Variants in CADM2 observed in about 807,000 individuals in gnomAD.
The protein encoded by CADM2 is cell adhesion molecule 2, also known as immunoglobulin superfamily member 4D.
CADM2 carries 12 observed loss-of-function variants against 49.8 expected under a neutral mutation model. The ratio of observed to expected loss-of-function variants is 0.24; its 90% CI spans 0.15 to 0.39. CADM2 has a LOEUF of 0.39. CADM2 is among the 10% of genes least tolerant of loss of function. The pLI, the probability that CADM2 is intolerant of heterozygous loss-of-function variation, is 1.00. For synonymous variants in CADM2, 214 were observed against 175.4 expected (o/e 1.22, Z -1.74); for missense variants, 378 against 492.3 (o/e 0.77, Z 2.20).
chr3:85,176,014 C>A (rs577958898), intron 1 of CADM2, among the ~76,000 whole-genome samples: 2 of 148,460 alleles, frequency 1.3e-5, no homozygotes, highest in African/African-American at 5.1e-5. Context: ...CTGCAAGCTC[C>A]GCCTCCCGGG....
chr3:85,630,959 A>G (rs547247565), intron 1 of CADM2, among the ~76,000 whole-genome samples: 58 of 152,180 alleles, frequency 3.8e-4, no homozygotes, highest in Non-Finnish European at 7.1e-4. Flanking sequence ...GCTATAAGAC[A>G]TATCTAGGCA....
At chr3:85,904,327 ACCAC>A (rs1716510043) in intron 5 of CADM2, among the ~76,000 whole-genome samples, 1 of 152,148 alleles carries the variant, frequency 6.6e-6, no homozygotes, top group South Asian at 2.1e-4. Context: ...TTTCAGCCAC[ACCAC>A]CTGGAATTTT....
At chr3:85,487,398 T>C (rs192927537) in intron 1 of CADM2, among the ~76,000 whole-genome samples, 50 of 152,116 alleles carry the variant, frequency 3.3e-4, no homozygotes, top group Admixed American at 1.8e-3. Flanking sequence ...TGGTGGTGTG[T>C]CGTGTGCCTG....
intron 1 of CADM2, among the ~76,000 whole-genome samples, chr3:85,459,198 C>A (rs967828980): frequency 6.6e-6 from 1 of 152,302 alleles, no homozygotes; most frequent in South Asian, 2.1e-4. Context: ...TTCTCCCCAT[C>A]TTTCTCTTAC....
chr3:85,046,324 T>C (rs1054067330), intron 1 of CADM2, among the ~76,000 whole-genome samples: 7 of 150,052 alleles, frequency 4.7e-5, no homozygotes, highest in African/African-American at 1.2e-4. Context: ...AATTTTCTTT[T>C]TTTTTTTTTT....
intron 1 of CADM2, among the ~76,000 whole-genome samples, chr3:85,689,334 A>G (rs1427813278): frequency 6.6e-6 from 1 of 152,224 alleles, no homozygotes; most frequent in Non-Finnish European, 1.5e-5. Context: ...ATCTCTATGA[A>G]GCTATTTCTT....
At chr3:85,536,125 G>C (rs1040576750) in intron 1 of CADM2, among the ~76,000 whole-genome samples, 3 of 151,968 alleles carry the variant, frequency 2.0e-5, no homozygotes, top group African/African-American at 7.2e-5. Context: ...AGGAAATAAA[G>C]TCATTGTGTG....
At chr3:85,121,801 CA>C (rs2038874260) in intron 1 of CADM2, among the ~76,000 whole-genome samples, 1 of 152,162 alleles carries the variant, frequency 6.6e-6, no homozygotes, top group South Asian at 2.1e-4. Context: ...GCCTCCTACT[CA>C]ATCATATTTT....
intron 1 of CADM2, among the ~76,000 whole-genome samples, chr3:85,084,435 A>G (rs2037295081): frequency 6.6e-6 from 1 of 152,160 alleles, no homozygotes. Context: ...GTTGGTTGAG[A>G]AAAAAGCAAA....
At chr3:85,626,362 C>G (rs946384532) in intron 1 of CADM2, among the ~76,000 whole-genome samples, 1 of 151,820 alleles carries the variant, frequency 6.6e-6, no homozygotes, top group Non-Finnish European at 1.5e-5. Flanking sequence ...TTGAATTAAA[C>G]AGTTTAATTT....
At chr3:85,469,327 G>T (rs929251902) in intron 1 of CADM2, among the ~76,000 whole-genome samples, 2 of 152,158 alleles carry the variant, frequency 1.3e-5, no homozygotes, top group Non-Finnish European at 2.9e-5. Flanking sequence ...TGGGAAACAG[G>T]AATGTATTAG....
intron 1 of CADM2, among the ~76,000 whole-genome samples, chr3:85,055,778 G>A (rs1479622402): frequency 1.3e-5 from 2 of 151,924 alleles, no homozygotes; most frequent in African/African-American, 2.4e-5. Context: ...TGAGACTCAT[G>A]GAGCACACTT....
rs13092897 is a variant in CADM2, at chr3:85,071,027, T to C, written c.61+111359T>C. Among the ~76,000 whole-genome samples, 610 of 110,360 alleles carry C rather than the reference T, an allele frequency of 5.5e-3. 4 individuals carry two copies. The highest frequency in any genetic ancestry group is 0.014 in the South Asian group (48 of 3,360). The allele number at this position is 110,360 out of a possible 152,430, so 72.4% of individuals were successfully genotyped here. A position where few individuals can be genotyped will look rare whatever the true frequency, so the allele number is the denominator to read the frequency against. Reference sequence around the variant, plus strand: ...ATAAATAAATAAATAAATAAACAAATAAATAAATAAATAAAATACTTATTA... The same window carrying C: ...ATAAATAAATAAATAAATAAACAAACAAATAAATAAATAAAATACTTATTA... On this transcript the variant is annotated intron_variant, in intron 1 of 9. Coordinates refer to ENST00000383699, the MANE Select transcript of CADM2 (RefSeq NM_001167675.2).
At chr3:85,722,005 C>T (rs769018153) in intron 1 of CADM2, among the ~76,000 whole-genome samples, 3 of 152,238 alleles carry the variant, frequency 2.0e-5, no homozygotes, top group Admixed American at 1.3e-4. Flanking sequence ...TTCCTGTCTA[C>T]GGGCAGGTTG....
intron 1 of CADM2, among the ~76,000 whole-genome samples, chr3:85,480,479 T>A (rs1215904033): frequency 1.3e-5 from 2 of 151,772 alleles, no homozygotes; most frequent in African/African-American, 2.4e-5. Flanking sequence ...GACTCAGGCG[T>A]TAGTAAAAGG....
At chr3:85,477,197 C>T (rs1576624932) in intron 1 of CADM2, among the ~76,000 whole-genome samples, 1 of 145,224 alleles carries the variant, frequency 6.9e-6, no homozygotes, top group Admixed American at 7.1e-5. Context: ...CTTAATGACT[C>T]CAAAATTTTA....
chr3:85,464,681 C>T (rs1412692062), intron 1 of CADM2, among the ~76,000 whole-genome samples: 1 of 152,138 alleles, frequency 6.6e-6, no homozygotes, highest in African/African-American at 2.4e-5. Flanking sequence ...TCATATATTA[C>T]ATCACATAAT....
intron 1 of CADM2, among the ~76,000 whole-genome samples, chr3:85,623,132 G>C (rs2064025056): frequency 6.6e-6 from 1 of 152,114 alleles, no homozygotes; most frequent in African/African-American, 2.4e-5. Context: ...AGGAAGAGCT[G>C]TGGACAAAAT....
chr3:85,183,100 A>G (rs2040975189), intron 1 of CADM2, among the ~76,000 whole-genome samples: 1 of 152,136 alleles, frequency 6.6e-6, no homozygotes. Context: ...CAGATGATGT[A>G]AATAAAATGA....
Sources: allele counts gnomAD v4.1 joint callset (sites outside exome capture counted in the v4.1 genomes callset), GRCh38; gene constraint gnomAD v4.1.1; transcripts MANE v1.5; gene names NCBI Gene and HGNC (gene_info 2026-07-23, HGNC 2026-07-21).